NYAP2: variants seen among roughly 807,000 people sequenced by gnomAD.
The protein encoded by NYAP2 is neuronal tyrosine-phosphorylated phosphoinositide-3-kinase adapter 2.
In NYAP2, 23 loss-of-function variants were observed where a neutral mutation model predicts 50.4. The ratio of observed to expected loss-of-function variants is 0.46; its 90% CI spans 0.33 to 0.65. The LOEUF (loss-of-function observed/expected upper bound fraction) is 0.65. Among genes scored for constraint, NYAP2 ranks in the 30% least tolerant of loss-of-function variants. The pLI, the probability that NYAP2 is intolerant of heterozygous loss-of-function variation, is 0.02. For synonymous variants in NYAP2, 394 were observed against 365.2 expected, an observed-to-expected ratio of 1.08 and a Z score of -0.90; for missense variants, 885 against 861.0, an observed-to-expected ratio of 1.03 and a Z score of -0.35.
intron 3 of NYAP2, among the ~76,000 whole-genome samples, chr2:225,483,248 G>A (rs1278642897): frequency 1.3e-5 from 2 of 152,138 alleles, no homozygotes; most frequent in Admixed American, 6.6e-5. Flanking sequence ...GGAAACATTT[G>A]AAGGTAATAG....
intron 3 of NYAP2, among the ~76,000 whole-genome samples, chr2:225,414,585 G>A (rs1005061792): frequency 1.3e-5 from 2 of 152,008 alleles, no homozygotes; most frequent in Non-Finnish European, 2.9e-5. Context: ...ACACACTCAG[G>A]AACCAGCCAA....
chr2:225,536,507 T>C (rs796244310), intron 4 of NYAP2, among the ~76,000 whole-genome samples: 1 of 139,496 alleles, frequency 7.2e-6, no homozygotes, highest in East Asian at 2.1e-4. Flanking sequence ...CTATATTCTT[T>C]TTATTGCTGT....
chr2:225,641,454 C>CACACACACACACACACAA, intron 6 of NYAP2, among the ~76,000 whole-genome samples: 1 of 148,096 alleles, frequency 6.8e-6, no homozygotes, highest in Non-Finnish European at 1.5e-5. Context: ...CACACACACA[C>CACACACACACACACACAA]ACACACACAC....
chr2:225,549,614 AT>A (rs1228189226), intron 4 of NYAP2, among the ~76,000 whole-genome samples: 1 of 152,216 alleles, frequency 6.6e-6, no homozygotes, highest in African/African-American at 2.4e-5. Context: ...TTTGATTGTC[AT>A]TAGAATAAAG....
At position 225,460,942 on chromosome 2, in the gene NYAP2, G is replaced by A. The variant is rs1252846533; in HGVS notation, c.221+51841G>A. ...TGGGAGGCGGAGCTTGCAGTGAGCC[G>A]AAATCGCGCCACTGCACTCCTGCCT... On this transcript the variant is annotated intron_variant, in intron 3 of 6. Transcript: ENST00000636099. 2.3e-5 allele frequency among the ~76,000 whole-genome samples: 3 copies of A among 129,278 alleles called. No individual in the cohort carries two copies. In the East Asian group the frequency reaches 6.9e-4, roughly 30 times the overall value. 84.8% of individuals were successfully genotyped at this position (129,278 alleles called of 152,430 possible).
intron 4 of NYAP2, among the ~76,000 whole-genome samples, chr2:225,544,347 C>G (rs919467600): frequency 6.6e-6 from 1 of 151,200 alleles, no homozygotes; most frequent in Non-Finnish European, 1.5e-5. Context: ...TTCTGGTCTT[C>G]TTTCTTCCTG....
upstream of NYAP2, among the ~76,000 whole-genome samples, chr2:225,399,131 A>C (rs1694816394): frequency 6.6e-6 from 1 of 152,098 alleles, no homozygotes. Flanking sequence ...GTTACTGAAA[A>C]AGAATGTGAG....
chr2:225,632,036 T>G (rs1193713114), intron 6 of NYAP2, among the ~76,000 whole-genome samples: 1 of 152,148 alleles, frequency 6.6e-6, no homozygotes, highest in Non-Finnish European at 1.5e-5. Flanking sequence ...CAGGCTAGTC[T>G]CAAACTCCTG....
chr2:225,473,928 T>A (rs1457856664), intron 3 of NYAP2, among the ~76,000 whole-genome samples: 1 of 152,286 alleles, frequency 6.6e-6, no homozygotes, highest in East Asian at 1.9e-4. Context: ...TCTTCTAGGG[T>A]TTTTATGGTT....
chr2:225,477,835 T>C (rs1459212071), intron 3 of NYAP2, among the ~76,000 whole-genome samples: 4 of 151,838 alleles, frequency 2.6e-5, no homozygotes. Context: ...TCAAACAAAA[T>C]GATATATAAT....
chr2:225,506,930 A>G (rs1380996597), intron 3 of NYAP2, among the ~76,000 whole-genome samples: 1 of 152,056 alleles, frequency 6.6e-6, no homozygotes, highest in African/African-American at 2.4e-5. Flanking sequence ...ATTTAACACA[A>G]AAAATCCCAA....
chr2:225,669,298 A>G, the NYAP2 span, among the ~76,000 whole-genome samples: 1 of 151,992 alleles, frequency 6.6e-6, no homozygotes, highest in South Asian at 2.1e-4. Context: ...GGCTTTTATT[A>G]CCCTGTATTG....
chr2:225,460,890 G>A (rs1407180571), intron 3 of NYAP2, among the ~76,000 whole-genome samples: 4 of 151,618 alleles, frequency 2.6e-5, no homozygotes, highest in Non-Finnish European at 4.4e-5. Flanking sequence ...CTACTCGGGA[G>A]GCTGACGCAA....
intron 3 of NYAP2, among the ~76,000 whole-genome samples, chr2:225,469,438 T>C (rs1308987002): frequency 6.6e-6 from 1 of 152,216 alleles, no homozygotes; most frequent in Non-Finnish European, 1.5e-5. Context: ...TGGAAGATAA[T>C]GTGGCAATTC....
intron 2 of NYAP2, among the ~76,000 whole-genome samples, chr2:225,407,947 T>A (rs902317678): frequency 3.9e-5 from 6 of 151,994 alleles, no homozygotes; most frequent in African/African-American, 1.4e-4. Flanking sequence ...CTAATAGTAT[T>A]ATATACTTAC....
At chr2:225,673,227 A>G in the NYAP2 span, among the ~76,000 whole-genome samples, 2 of 152,030 alleles carry the variant, frequency 1.3e-5, no homozygotes, top group Non-Finnish European at 2.9e-5. Context: ...ACCTGCCCCC[A>G]TGCTTCAATT....
chr2:225,473,548 T>A (rs572090963), intron 3 of NYAP2, among the ~76,000 whole-genome samples: 6 of 152,376 alleles, frequency 3.9e-5, no homozygotes, highest in African/African-American at 1.2e-4. Flanking sequence ...TTTGCATTTC[T>A]CTGATGGCCA....
At chr2:225,474,612 G>T (rs1167050237) in intron 3 of NYAP2, among the ~76,000 whole-genome samples, 1 of 152,150 alleles carries the variant, frequency 6.6e-6, no homozygotes, top group Non-Finnish European at 1.5e-5. Flanking sequence ...CTCTCTGTTT[G>T]TCTGTTATTG....
chr2:225,484,613 G>T lies in NYAP2; in HGVS notation c.222-28758G>T, dbSNP rs117882646. ...CACTGGCTTAGAATCCAGATGTCCT[G>T]ATGAGACATCTTTTACTCTTTCTAC... On this transcript the variant is annotated intron_variant, in intron 3 of 6. Transcript: ENST00000636099. 1.8e-3 allele frequency among the ~76,000 whole-genome samples: 269 copies of T among 152,304 alleles called. 3 individuals are homozygous for T. The East Asian group carries it at 0.045, about 25-fold the overall frequency.
Sources: allele counts gnomAD v4.1 joint callset (sites outside exome capture counted in the v4.1 genomes callset), GRCh38; gene constraint gnomAD v4.1.1; transcripts MANE v1.5; gene names NCBI Gene and HGNC (gene_info 2026-07-23, HGNC 2026-07-21).